The following PRTG variants were observed in gnomAD, a reference collection of about 807,000 sequenced individuals.
PRTG encodes the protein immunoglobulin superfamily, DCC subclass, member 5.
A neutral mutation model predicts 122.5 loss-of-function variants in PRTG; 67 were observed. The observed-to-expected ratio is 0.55, with a 90% CI of 0.45 to 0.67. PRTG has a LOEUF of 0.67. Among genes scored for constraint, PRTG ranks in the 30% least tolerant of loss-of-function variants. The pLI, the probability that PRTG is intolerant of heterozygous loss-of-function variation, is 0.00. For synonymous variants in PRTG, 554 were observed against 501.1 expected (o/e 1.11, Z -1.41); for missense variants, 1,435 against 1,415.4 (o/e 1.01, Z -0.22).
At chr15:55,670,193 C>T (rs1328286874) in intron 11 of PRTG, among the ~76,000 whole-genome samples, 1 of 151,534 alleles carries the variant, frequency 6.6e-6, no homozygotes, top group Non-Finnish European at 1.5e-5. Flanking sequence ...TGAAGAATTG[C>T]TTTTAATTGC....
intron 2 of PRTG, among the ~76,000 whole-genome samples, chr15:55,696,372 G>A (rs1472963944): frequency 6.6e-6 from 1 of 152,160 alleles, no homozygotes; most frequent in Admixed American, 6.5e-5. Flanking sequence ...TATGACACTG[G>A]TCTTTCAAAT....
In PRTG at chr15:55,612,468, A is replaced by G. The variant is rs1404131466; in HGVS notation, c.*7544T>C. 6.6e-6 allele frequency: 1 copy of G among 150,902 alleles called. No individual in the cohort carries two copies. The highest frequency in any genetic ancestry group is 1.5e-5 in the Non-Finnish European group (1 of 67,878). 9.3% of individuals were successfully genotyped at this position (150,902 alleles called of 1,614,324 possible). ...TCCTCTAAAAAAAGAAGCCAATCAT[A>G]TAATTCTTCCCAACAAACCCTACAT... On this transcript the variant is annotated 3_prime_UTR_variant, in exon 20 of 20. Coordinates refer to ENST00000389286, the MANE Select transcript of PRTG (RefSeq NM_173814.6).
At chr15:55,624,774 AAATTACAATTTTTAACTT>A (rs1389747022) in intron 17 of PRTG, among the ~76,000 whole-genome samples, 1 of 152,210 alleles carries the variant, frequency 6.6e-6, no homozygotes. Flanking sequence ...ATTTGTGCAG[AAATTACAATTTTTAACTT>A]CTATTTTCCC....
Position 55,618,275 on chromosome 15 carries a change from T to C in PRTG, c.*1737A>G, listed in dbSNP as rs2059149521. The C allele has an allele frequency of 6.6e-6, 1 of 152,216 alleles. No homozygotes were observed. Among genetic ancestry groups the C allele is most frequent in the African/African-American group, 2.4e-5 (1 of 41,460 alleles). The allele number at this position is 152,216 out of a possible 1,614,324, so 9.4% of individuals were successfully genotyped here. A position where few individuals can be genotyped will look rare whatever the true frequency, so the allele number is the denominator to read the frequency against. On this transcript the variant is annotated 3_prime_UTR_variant, in exon 20 of 20. Coordinates refer to ENST00000389286, the MANE Select transcript of PRTG (RefSeq NM_173814.6). The stretch of plus-strand genomic sequence containing the variant: ...TATCTACAGTCATTAGACTAGCAGA[T>C]GATGCTGGGACTATTATCTGCTAAT...
In PRTG at chr15:55,682,553, T is replaced by TTTAA. The variant is rs1567097813; in HGVS notation, c.543-57_543-56insTTAA. 1.1e-5 allele frequency: 5 copies of TTTAA among 436,932 alleles called. No individual in the cohort carries two copies. In the East Asian group the frequency reaches 2.6e-4, roughly 23 times the overall value. The allele number at this position is 436,932 out of a possible 1,614,324, so 27.1% of individuals were successfully genotyped here. ...TGTAGTAGATTTCATATTTTATTTA[T>TTTAA]TTATTTATTTATTTATTTATTTATT... On this transcript the variant is annotated intron_variant, in intron 3 of 19. Transcript: ENST00000389286.
intron 2 of PRTG, among the ~76,000 whole-genome samples, chr15:55,737,851 C>T (rs1567121443): frequency 1.3e-5 from 2 of 151,302 alleles, no homozygotes; most frequent in Admixed American, 1.3e-4. Context: ...AAAAAATATG[C>T]TTACTGACAA....
intron 18 of PRTG, among the ~76,000 whole-genome samples, chr15:55,624,040 T>G (rs531176012): frequency 1.3e-5 from 2 of 152,182 alleles, no homozygotes; most frequent in African/African-American, 4.8e-5. Context: ...CATGGTGTCC[T>G]TGGTTAAAAC....
At chr15:55,738,707 T>TA (rs2141895603) in intron 2 of PRTG, 1 of 351,780 alleles carries the variant, frequency 2.8e-6, no homozygotes, top group South Asian at 8.6e-5. Context: ...TATTGGCCAA[T>TA]GATTACGGGG....
chr15:55,620,907 A>G (rs2059162717), intron 18 of PRTG, 140 bp from the exon 19 acceptor site: 1 of 755,296 alleles, frequency 1.3e-6, no homozygotes, highest in African/African-American at 1.8e-5. Flanking sequence ...TTCAGGGAGT[A>G]CATGTGCATG....
At chr15:55,658,598 G>A (rs2059393102) in intron 11 of PRTG, among the ~76,000 whole-genome samples, 3 of 152,196 alleles carry the variant, frequency 2.0e-5, no homozygotes, top group Admixed American at 2.0e-4. Context: ...TTACAGGCGT[G>A]AGCCAACGTG....
rs1555428126 is a variant in PRTG at position 55,612,029 on chromosome 15, AAT to A, written c.*7981_*7982del. ...TCTTTGAAGAAAATAGAAAAAAAAA[AAT>A]CATACACACAGACATAAAATTTTGT... On this transcript the variant is annotated 3_prime_UTR_variant, in exon 20 of 20. Coordinates refer to ENST00000389286, the MANE Select transcript of PRTG (RefSeq NM_173814.6). 6.6e-6 allele frequency: 1 copy of A among 151,888 alleles called. No homozygotes were observed. The highest frequency in any genetic ancestry group is 1.5e-5 in the Non-Finnish European group (1 of 67,914). 9.4% of individuals were successfully genotyped at this position (151,888 alleles called of 1,614,324 possible).
intron 1 of PRTG, 94 bp downstream of exon 1, chr15:55,742,744 G>C: frequency 6.9e-7 from 1 of 1,448,192 alleles, no homozygotes; most frequent in Non-Finnish European, 9.4e-7. Flanking sequence ...CCCGCCGCGC[G>C]CTCCCCACGC....
chr15:55,724,456 A>G (rs2030951010), intron 2 of PRTG, among the ~76,000 whole-genome samples: 1 of 152,138 alleles, frequency 6.6e-6, no homozygotes, highest in Admixed American at 6.5e-5. Context: ...TAACAAATGT[A>G]AAGTATGAAA....
chr15:55,627,024 A>C lies in PRTG; in HGVS notation c.2911T>G (p.Tyr971Asp). Residue 971 changes from tyrosine to aspartate, a missense_variant, in exon 17 of 20, where the codon TAC becomes GAC. Coordinates refer to ENST00000389286, the MANE Select transcript of PRTG (RefSeq NM_173814.6). The part of the protein sequence containing the change: ...CILICVLILI[Y>D]RSKARKSSAS... ...GAAACACACCTGGCTTTACTTCGGT[A>C]TATCAAGATGAGAACACAGATGAGG... 6.2e-7 allele frequency: 1 copy of C among 1,607,828 alleles called. No homozygotes were observed. The highest frequency in any genetic ancestry group is 1.3e-5 in the African/African-American group (1 of 74,700).
In PRTG at chr15:55,682,403, G is replaced by T; in HGVS notation, c.637C>A (p.Arg213=). ...YRCIAATVAH[R]RKSMEASLTV... ...AGCGAGGCCTCCATACTTTTACGTC[G>T]GTGGGCTACAGTGGCAGCAATACAA... Residue 213 remains arginine, a synonymous_variant, in exon 4 of 20, where the codon CGA becomes AGA. Coordinates refer to ENST00000389286, the MANE Select transcript of PRTG (RefSeq NM_173814.6). 1 of 1,605,052 alleles carries T rather than the reference G, an allele frequency of 6.2e-7. No individual in the cohort carries two copies. The highest frequency in any genetic ancestry group is 8.5e-7 in the Non-Finnish European group (1 of 1,174,852).
chr15:55,726,588 T>C (rs1368960389), intron 2 of PRTG, among the ~76,000 whole-genome samples: 1 of 148,732 alleles, frequency 6.7e-6, no homozygotes, highest in Non-Finnish European at 1.5e-5. Context: ...GCCGAGGCTA[T>C]GCCATGCACT....
chr15:55,637,109 T>G, intron 15 of PRTG, 61 bp downstream of exon 15: 1 of 1,246,268 alleles, frequency 8.0e-7, no homozygotes, highest in Non-Finnish European at 1.1e-6. Context: ...CCCCTTTCCT[T>G]TTGTTTCTTT....
intron 2 of PRTG, among the ~76,000 whole-genome samples, chr15:55,713,059 G>C (rs534075445): frequency 6.6e-5 from 10 of 152,220 alleles, no homozygotes; most frequent in African/African-American, 2.2e-4. Context: ...TAGAGATTTG[G>C]TTAAAATCCC....
chr15:55,677,747 T>C, intron 8 of PRTG, 50 bp downstream of exon 8: 1 of 1,578,466 alleles, frequency 6.3e-7, no homozygotes, highest in Non-Finnish European at 8.7e-7. Context: ...TGAAAACAAA[T>C]CCTTGATAGC....
Sources: gnomAD v4.1 joint callset for allele counts (sites outside exome capture counted in the v4.1 genomes callset) on GRCh38, gnomAD v4.1.1 for gene constraint, MANE v1.5 for transcripts, NCBI Gene and HGNC (gene_info 2026-07-23, HGNC 2026-07-21) for gene names.